GRK4: variants seen among roughly 807,000 people sequenced by gnomAD.
GRK4 encodes G protein-coupled receptor kinase 2-like.
Under a neutral mutation model 77.9 loss-of-function variants are expected in GRK4, and 73 were observed. The ratio of observed to expected loss-of-function variants is 0.94; its 90% confidence interval spans 0.78 to 1.14. GRK4 has a LOEUF of 1.14. Ranked by LOEUF, GRK4 falls within the 50% of genes most tolerant of loss-of-function variation. The probability of loss-of-function intolerance (pLI) is 0.00; values close to 1 mark genes in which losing one functional copy is unlikely to be tolerated. For synonymous variants in GRK4, 257 were observed against 254.4 expected, an observed-to-expected ratio of 1.01 and a Z score of -0.10; for missense variants, 729 against 700.2, an observed-to-expected ratio of 1.04 and a Z score of -0.46.
intron 9 of GRK4, among the ~76,000 whole-genome samples, chr4:3,020,295 C>T (rs892931295): frequency 6.6e-6 from 1 of 152,092 alleles, no homozygotes; most frequent in Non-Finnish European, 1.5e-5. Context: ...TGTGAGCCAC[C>T]GTGCCCAGCC....
At chr4:2,978,273 A>G (rs1474699867) in intron 1 of GRK4, among the ~76,000 whole-genome samples, 1 of 152,220 alleles carries the variant, frequency 6.6e-6, no homozygotes, top group Non-Finnish European at 1.5e-5. Flanking sequence ...GCTAATTGAT[A>G]ATATGCTAAG....
rs1034793970 is a variant in GRK4 at position 2,963,803 on chromosome 4, A to G, written c.-268A>G. The G allele has an allele frequency of 3.8e-6, 2 of 528,920 alleles. No individual in the cohort carries two copies. The highest frequency in any genetic ancestry group is 6.6e-6 in the Non-Finnish European group (2 of 302,186). The allele number at this position is 528,920 out of a possible 1,614,324, so 32.8% of individuals were successfully genotyped here. A position where few individuals can be genotyped will look rare whatever the true frequency, so the allele number is the denominator to read the frequency against. On this transcript the variant is annotated 5_prime_UTR_variant, in exon 1 of 16. Transcript: ENST00000398052. ...AGAAGAACCGGGGCGATAGCGCGGC[A>G]GCGGTGACAGCTGGGACCCGCCGCG...
intron 2 of GRK4, 139 bp downstream of exon 2, chr4:2,984,747 AG>A (rs1027665652): frequency 4.8e-6 from 2 of 418,982 alleles, no homozygotes; most frequent in African/African-American, 4.2e-5. Flanking sequence ...GATTCCTCTC[AG>A]GAAAAAAAAT....
chr4:3,027,991 C>T lies in GRK4; in HGVS notation c.1050C>T (p.Val350=), dbSNP rs561361379. The T allele has an allele frequency of 1.2e-5, 20 of 1,613,908 alleles. No individual in the cohort carries two copies. Among genetic ancestry groups the T allele is most frequent in the African/African-American group, 1.2e-4 (9 of 74,892 alleles). Residue 350 remains valine, a synonymous_variant, in exon 11 of 16, where the codon GTC becomes GTT. Transcript: ENST00000398052. The part of the protein sequence containing the change: ...GQRVRGRVGT[V]GYMAPEVVNN... ...GGGTTCGAGGAAGAGTTGGAACAGT[C>T]GGCTACATGGGTTCGTGAGAGGCTT...
intron 1 of GRK4, among the ~76,000 whole-genome samples, chr4:2,978,376 A>G (rs1224687663): frequency 6.6e-6 from 1 of 152,226 alleles, no homozygotes; most frequent in Non-Finnish European, 1.5e-5. Flanking sequence ...ATCAGAGAAA[A>G]ATATCTCTGA....
At chr4:2,969,213 T>C (rs1436771310) in intron 1 of GRK4, 1 of 152,214 alleles carries the variant, frequency 6.6e-6, no homozygotes, top group Admixed American at 6.5e-5. Context: ...AAGTTGCCTT[T>C]GAAATTCCCT....
At chr4:2,991,970 T>G (rs910913683) in intron 3 of GRK4, among the ~76,000 whole-genome samples, 2 of 151,150 alleles carry the variant, frequency 1.3e-5, no homozygotes, top group Non-Finnish European at 1.5e-5. Flanking sequence ...TCAGTAGAGT[T>G]GGTCTGTGAC....
At chr4:3,025,676 G>GC (rs1282270067) in intron 10 of GRK4, among the ~76,000 whole-genome samples, 4 of 151,962 alleles carry the variant, frequency 2.6e-5, no homozygotes, top group Non-Finnish European at 4.4e-5. Flanking sequence ...ACAGGCTTGA[G>GC]CACCGCGCCC....
At chr4:3,004,526 C>G (rs1288650222) in intron 5 of GRK4, among the ~76,000 whole-genome samples, 192 bp downstream of exon 5, 2 of 152,144 alleles carry the variant, frequency 1.3e-5, no homozygotes, top group Non-Finnish European at 2.9e-5. Flanking sequence ...TTTGACTCCC[C>G]CAAAAGCTTA....
chr4:2,997,601 A>G (rs2109748353), intron 4 of GRK4, among the ~76,000 whole-genome samples: 1 of 152,222 alleles, frequency 6.6e-6, no homozygotes, highest in East Asian at 1.9e-4. Context: ...ACCCACAGCC[A>G]ACATCATACT....
chr4:3,015,792 G>A (rs1044383241), intron 8 of GRK4, among the ~76,000 whole-genome samples: 1 of 151,616 alleles, frequency 6.6e-6, no homozygotes, highest in African/African-American at 2.4e-5. Flanking sequence ...CATATTTTTT[G>A]GCTGGGCTTG....
At chr4:2,999,461 C>G (rs1182934640) in intron 4 of GRK4, among the ~76,000 whole-genome samples, 1 of 152,174 alleles carries the variant, frequency 6.6e-6, no homozygotes, top group East Asian at 1.9e-4. Context: ...GGGCACACAT[C>G]CAAACGATAA....
intron 4 of GRK4, among the ~76,000 whole-genome samples, chr4:3,001,095 G>A (rs552470949): frequency 1.6e-4 from 13 of 83,618 alleles, no homozygotes; most frequent in African/African-American, 4.4e-4. Context: ...ATATATGTGT[G>A]TGTGTGTGTG....
chr4:2,997,645 T>C (rs992399880), intron 4 of GRK4, among the ~76,000 whole-genome samples: 7 of 152,046 alleles, frequency 4.6e-5, no homozygotes, highest in African/African-American at 1.7e-4. Flanking sequence ...TGTGGTGGTG[T>C]TCACCTGTAA....
intron 4 of GRK4, among the ~76,000 whole-genome samples, chr4:2,997,647 C>T (rs1728324101): frequency 6.6e-6 from 1 of 152,114 alleles, no homozygotes; most frequent in African/African-American, 2.4e-5. Context: ...TGGTGGTGTT[C>T]ACCTGTAATT....
At chr4:2,977,871 G>C (rs890118311) in intron 1 of GRK4, among the ~76,000 whole-genome samples, 3 of 152,160 alleles carry the variant, frequency 2.0e-5, no homozygotes, top group African/African-American at 7.2e-5. Flanking sequence ...TCCCTCATTG[G>C]GCTGCCACTT....
intron 1 of GRK4, among the ~76,000 whole-genome samples, chr4:2,974,048 C>T (rs1332828413): frequency 6.6e-6 from 1 of 152,150 alleles, no homozygotes; most frequent in Non-Finnish European, 1.5e-5. Flanking sequence ...CAGGGTCTCG[C>T]TATGTTGCCC....
At chr4:2,999,559 T>C (rs1369501039) in intron 4 of GRK4, among the ~76,000 whole-genome samples, 3 of 152,190 alleles carry the variant, frequency 2.0e-5, no homozygotes, top group African/African-American at 7.2e-5. Flanking sequence ...TAGATGGTAC[T>C]GGAACAACTG....
chr4:3,020,823 A>G (rs1735867655), intron 9 of GRK4, among the ~76,000 whole-genome samples: 1 of 129,014 alleles, frequency 7.8e-6, no homozygotes, highest in African/African-American at 2.9e-5. Context: ...ATATTCAGAA[A>G]AAAAAGGATG....
Sources: allele counts gnomAD v4.1 joint callset (sites outside exome capture counted in the v4.1 genomes callset), GRCh38; gene constraint gnomAD v4.1.1; transcripts MANE v1.5; gene names NCBI Gene and HGNC (gene_info 2026-07-23, HGNC 2026-07-21).